HDAC9: variants seen among roughly 807,000 people sequenced by gnomAD.
The protein encoded by HDAC9 is histone deacetylase 9, also known as MEF-2 interacting transcription repressor (MITR) protein.
Under a neutral mutation model 139.4 loss-of-function variants are expected in HDAC9, and 41 were observed. That is an observed-to-expected ratio of 0.29 (90% CI 0.23 to 0.38). HDAC9 has a LOEUF of 0.38. HDAC9 is among the 10% of genes least tolerant of loss of function. HDAC9 has a pLI of 1.00. For synonymous variants in HDAC9, 517 were observed against 476.2 expected (o/e 1.09, Z -1.12); for missense variants, 1,147 against 1,297.0 (o/e 0.88, Z 1.78).
chr7:18,677,026 A>C (rs1781561117), intron 12 of HDAC9, among the ~76,000 whole-genome samples: 1 of 151,928 alleles, frequency 6.6e-6, no homozygotes. Flanking sequence ...TGATATATAT[A>C]CATAGAGTTT....
At chr7:18,914,185 A>G (rs1320977182) in intron 22 of HDAC9, among the ~76,000 whole-genome samples, 1 of 151,536 alleles carries the variant, frequency 6.6e-6, no homozygotes, top group East Asian at 2.0e-4. Flanking sequence ...GTGGGCCTTC[A>G]CCCAGTACTG....
intron 8 of HDAC9, among the ~76,000 whole-genome samples, chr7:18,641,180 A>G (rs1367962996): frequency 1.3e-5 from 2 of 152,080 alleles, no homozygotes; most frequent in African/African-American, 4.8e-5. Flanking sequence ...GAGAGGCATA[A>G]TGTTCCAGTC....
At chr7:18,834,380 G>T in intron 19 of HDAC9, among the ~76,000 whole-genome samples, 2 of 146,436 alleles carry the variant, frequency 1.4e-5, no homozygotes, top group Non-Finnish European at 3.0e-5. Context: ...TAATTGAGGT[G>T]TTTTTTTTTT....
chr7:18,104,134 A>G (rs1353597896), intron 1 of HDAC9, among the ~76,000 whole-genome samples: 5 of 152,180 alleles, frequency 3.3e-5, no homozygotes, highest in African/African-American at 4.8e-5. Context: ...TGCAAACTCT[A>G]TGCACACAGT....
Position 18,544,803 on chromosome 7 carries a change from A to G in HDAC9, c.23-40478A>G, listed in dbSNP as rs942329149. On this transcript the variant is annotated intron_variant, in intron 2 of 25. Coordinates refer to ENST00000686413, the MANE Select transcript of HDAC9 (RefSeq NM_178425.4). The stretch of plus-strand genomic sequence containing the variant: ...CCACTGGATTTGCATTGTGGAGGTC[A>G]TTGCCAAATGGCTACCTTTGTCAGA... 5.9e-5 allele frequency among the ~76,000 whole-genome samples: 9 copies of G among 152,354 alleles called. No individual in the cohort carries two copies. The South Asian group carries it at 6.2e-4, about 11-fold the overall frequency.
At chr7:18,508,980 A>T (rs1430048757) in intron 2 of HDAC9, among the ~76,000 whole-genome samples, 1 of 152,206 alleles carries the variant, frequency 6.6e-6, no homozygotes, top group Admixed American at 6.5e-5. Context: ...AACTGGCTAG[A>T]TTCGTGACAT....
intron 17 of HDAC9, among the ~76,000 whole-genome samples, chr7:18,822,017 A>C (rs1055723812): frequency 1.3e-5 from 2 of 148,462 alleles, no homozygotes; most frequent in African/African-American, 5.3e-5. Flanking sequence ...CAAGTGTGCC[A>C]CCCTTGCAGT....
At chr7:18,452,992 C>T in intron 1 of HDAC9, among the ~76,000 whole-genome samples, 1 of 152,142 alleles carries the variant, frequency 6.6e-6, no homozygotes, top group Middle Eastern at 3.4e-3. Flanking sequence ...AAAATGTTAC[C>T]TTTTTTTCCC....
intron 8 of HDAC9, among the ~76,000 whole-genome samples, chr7:18,636,725 C>T (rs62448122): frequency 0.026 from 3,953 of 152,052 alleles, 75 homozygotes; most frequent in Non-Finnish European, 0.038. Flanking sequence ...GGAATAAATA[C>T]TTTGTTTATA....
intron 22 of HDAC9, among the ~76,000 whole-genome samples, chr7:18,932,859 A>AGAAAGAAAGAAAGAAAGAAAGAAAG (rs1041527209): frequency 2.0e-5 from 3 of 150,940 alleles, no homozygotes; most frequent in African/African-American, 7.4e-5. Flanking sequence ...AAAGAAAGAA[A>AGAAAGAAAGAAAGAAAGAAAGAAAG]GAAAGAAAGA....
chr7:18,220,044 G>C (rs1792588253), intron 2 of HDAC9, among the ~76,000 whole-genome samples: 1 of 152,004 alleles, frequency 6.6e-6, no homozygotes, highest in African/African-American at 2.4e-5. Context: ...CATAGTGCCT[G>C]GCACACACAA....
At chr7:18,136,735 C>A (rs1227598416) in intron 1 of HDAC9, among the ~76,000 whole-genome samples, 4 of 151,038 alleles carry the variant, frequency 2.6e-5, no homozygotes, top group Non-Finnish European at 4.4e-5. Context: ...AGTCAGGTAG[C>A]GTGATGCCTC....
intron 1 of HDAC9, among the ~76,000 whole-genome samples, chr7:18,138,435 G>C (rs564143363): frequency 6.6e-6 from 1 of 152,178 alleles, no homozygotes; most frequent in East Asian, 1.9e-4. Context: ...GGTTTTAGGA[G>C]ATGGAGGGAG....
At chr7:18,634,141 G>T (rs1024088999) in intron 7 of HDAC9, among the ~76,000 whole-genome samples, 3 of 151,926 alleles carry the variant, frequency 2.0e-5, no homozygotes, top group African/African-American at 7.2e-5. Context: ...CAATAATAAG[G>T]TATAGCCTTA....
intron 12 of HDAC9, among the ~76,000 whole-genome samples, chr7:18,676,031 C>G (rs1014773817): frequency 1.3e-5 from 2 of 151,940 alleles, no homozygotes; most frequent in African/African-American, 4.8e-5. Flanking sequence ...ATGTGTTGAT[C>G]ACGGAGGATC....
intron 2 of HDAC9, among the ~76,000 whole-genome samples, chr7:18,223,009 T>C (rs917296516): frequency 3.3e-5 from 5 of 152,170 alleles, no homozygotes; most frequent in African/African-American, 9.6e-5. Context: ...AAGTCCTTTT[T>C]GACTAACTCT....
intron 13 of HDAC9, among the ~76,000 whole-genome samples, chr7:18,732,846 CGTGTGT>C (rs772134504): frequency 0.011 from 688 of 64,684 alleles, 33 homozygotes; most frequent in Middle Eastern, 0.028. Flanking sequence ...TGTACACACA[CGTGTGT>C]ATGTGTGCGT....
intron 1 of HDAC9, among the ~76,000 whole-genome samples, chr7:18,400,802 C>G (rs893266814): frequency 1.3e-5 from 2 of 152,188 alleles, no homozygotes; most frequent in Admixed American, 6.5e-5. Flanking sequence ...GAGGAACAGA[C>G]TACAGTGACA....
intron 24 of HDAC9, among the ~76,000 whole-genome samples, chr7:18,975,538 G>T (rs1286377987): frequency 6.6e-6 from 1 of 152,150 alleles, no homozygotes; most frequent in Non-Finnish European, 1.5e-5. Context: ...TCAGTCTGAG[G>T]GTGAGTTCAG....
Sources: allele counts gnomAD v4.1 joint callset (sites outside exome capture counted in the v4.1 genomes callset), GRCh38; gene constraint gnomAD v4.1.1; transcripts MANE v1.5; gene names NCBI Gene and HGNC (gene_info 2026-07-23, HGNC 2026-07-21).